The following PHF14 variants were observed in gnomAD, a reference collection of about 807,000 sequenced individuals.
PHF14 encodes PHD finger protein 14.
A neutral mutation model predicts 117.9 loss-of-function variants in PHF14; 55 were observed. The observed-to-expected ratio is 0.47, with a 90% CI of 0.38 to 0.58. The LOEUF (loss-of-function observed/expected upper bound fraction) is 0.58, where lower values mean the gene tolerates loss of function less well. PHF14 is among the 20% of genes least tolerant of loss of function. PHF14 has a pLI of 0.00. For missense variants in PHF14, 978 were observed against 1,122.2 expected (o/e 0.87, Z 1.84); for synonymous variants, 409 against 368.6 (o/e 1.11, Z -1.26).
intron 5 of PHF14, among the ~76,000 whole-genome samples, chr7:11,019,681 A>G (rs1463934232): frequency 6.6e-6 from 1 of 152,096 alleles, no homozygotes; most frequent in East Asian, 1.9e-4. Flanking sequence ...CCTTTTCAAA[A>G]TACTAACATT....
intron 16 of PHF14, among the ~76,000 whole-genome samples, chr7:11,090,206 A>G (rs1466049106): frequency 6.6e-6 from 1 of 152,244 alleles, no homozygotes; most frequent in Non-Finnish European, 1.5e-5. Flanking sequence ...AAAGTACATG[A>G]AAGTAATTCT....
intron 2 of PHF14, among the ~76,000 whole-genome samples, chr7:10,981,734 A>G (rs1458494345): frequency 6.6e-6 from 1 of 152,158 alleles, no homozygotes; most frequent in African/African-American, 2.4e-5. Flanking sequence ...AGGAAGATTG[A>G]TAATTTCTCT....
intron 17 of PHF14, among the ~76,000 whole-genome samples, chr7:11,127,203 G>A (rs1787951461): frequency 6.7e-6 from 1 of 149,962 alleles, no homozygotes; most frequent in Non-Finnish European, 1.5e-5. Flanking sequence ...GAAACCTGTA[G>A]TTTGGAAGTG....
At chr7:11,135,785 T>A (rs1788203419) in intron 17 of PHF14, among the ~76,000 whole-genome samples, 1 of 152,084 alleles carries the variant, frequency 6.6e-6, no homozygotes, top group African/African-American at 2.4e-5. Context: ...CCACACAGAA[T>A]TGATTGGGGT....
At position 10,990,850 on chromosome 7, in the gene PHF14, A is replaced by C; in HGVS notation, c.1045+3A>C. The C allele has an allele frequency of 6.4e-7, 1 of 1,571,922 alleles. No homozygotes were observed. The highest frequency in any genetic ancestry group is 8.6e-7 in the Non-Finnish European group (1 of 1,156,890). Reference sequence around the variant, plus strand: ...TTGTGGCATTACAGTCCATGAAGGTAATGTTGCTTTCTTTTCTCTCTTTTT... The same window carrying C: ...TTGTGGCATTACAGTCCATGAAGGTCATGTTGCTTTCTTTTCTCTCTTTTT... On this transcript the variant is annotated splice_donor_region_variant and intron_variant, in intron 4 of 17. Coordinates refer to ENST00000634607, the MANE Select transcript of PHF14 (RefSeq NM_001007157.2).
At chr7:11,009,239 C>G (rs1197396493) in intron 4 of PHF14, among the ~76,000 whole-genome samples, 1 of 152,042 alleles carries the variant, frequency 6.6e-6, no homozygotes, top group Non-Finnish European at 1.5e-5. Flanking sequence ...TTGGTTTGTT[C>G]AAAGTTACAC....
intron 1 of PHF14, 94 bp downstream of exon 1, chr7:10,974,418 G>C: frequency 1.9e-6 from 2 of 1,071,714 alleles, no homozygotes; most frequent in Non-Finnish European, 2.8e-6. Context: ...GGAGAGTCCT[G>C]CGGGAAAGCA....
intron 17 of PHF14, among the ~76,000 whole-genome samples, chr7:11,152,901 A>T (rs1390465512): frequency 6.6e-6 from 1 of 152,222 alleles, no homozygotes; most frequent in African/African-American, 2.4e-5. Flanking sequence ...TTCAGGAATC[A>T]GAGGGAAGAG....
intron 5 of PHF14, among the ~76,000 whole-genome samples, chr7:11,022,393 C>G (rs1245635195): frequency 1.3e-5 from 2 of 152,084 alleles, no homozygotes; most frequent in Admixed American, 6.5e-5. Context: ...ACCCCAGCAG[C>G]TTTTGGAAAA....
In PHF14 at chr7:11,076,012, G is replaced by A. The variant is rs561012025; in HGVS notation, c.2654+13927G>A. On this transcript the variant is annotated intron_variant, in intron 16 of 17. Transcript: ENST00000634607. ...AAATTAGCCGGGCATGGTGGCGGGCGCCTGTAGTTCCAGCTACTCGGGAGG... is the reference window on the plus strand; with the variant it reads ...AAATTAGCCGGGCATGGTGGCGGGCACCTGTAGTTCCAGCTACTCGGGAGG... Among the ~76,000 whole-genome samples, 7 of 152,248 alleles carry A rather than the reference G, an allele frequency of 4.6e-5. No homozygotes were observed. The South Asian group carries it at 1.0e-3, about 23-fold the overall frequency.
intron 10 of PHF14, among the ~76,000 whole-genome samples, chr7:11,037,737 T>C (rs371741311): frequency 1.3e-5 from 2 of 152,184 alleles, no homozygotes; most frequent in Non-Finnish European, 2.9e-5. Flanking sequence ...TATTGACTTA[T>C]TGTTAGAAAA....
rs193036858 is a variant in PHF14, at chr7:11,107,186, T to G, written c.2655-4164T>G. 318 of 984,712 alleles carry G rather than the reference T, an allele frequency of 3.2e-4. 1 individual carries two copies. The highest frequency in any genetic ancestry group is 2.6e-3 in the South Asian group (56 of 21,282). The allele number at this position is 984,712 out of a possible 1,614,324, so 61.0% of individuals were successfully genotyped here. A position where few individuals can be genotyped will look rare whatever the true frequency, so the allele number is the denominator to read the frequency against. Reference sequence around the variant, plus strand: ...CATTCGATGAAATAAATCAGCTGCTTCTTTTTACTTGTTTGCATATTCTCA... The same window carrying G: ...CATTCGATGAAATAAATCAGCTGCTGCTTTTTACTTGTTTGCATATTCTCA... On this transcript the variant is annotated intron_variant, in intron 16 of 17. Transcript: ENST00000634607.
rs73283115 is a variant in PHF14 at position 11,078,488 on chromosome 7, C to G, written c.2654+16403C>G. Among the ~76,000 whole-genome samples, 523 of 152,228 alleles carry G rather than the reference C, an allele frequency of 3.4e-3. 6 individuals carry two copies. The highest frequency in any genetic ancestry group is 0.012 in the African/African-American group (497 of 41,532). ...AATAACCTCTCTGCGAGCCAGTTTT[C>G]TCATTCATAGAATGAGCAATGCATT... On this transcript the variant is annotated intron_variant, in intron 16 of 17. Transcript: ENST00000634607.
At chr7:11,084,839 T>G (rs1786320590) in intron 16 of PHF14, among the ~76,000 whole-genome samples, 1 of 152,184 alleles carries the variant, frequency 6.6e-6, no homozygotes. Context: ...GTTTATTCAC[T>G]CATATATTGA....
At chr7:11,119,038 C>T (rs1787676640) in intron 17 of PHF14, among the ~76,000 whole-genome samples, 2 of 151,818 alleles carry the variant, frequency 1.3e-5, no homozygotes, top group Admixed American at 6.6e-5. Context: ...ACGCTTACTA[C>T]AAACTTGAAA....
chr7:10,992,823 G>C lies in PHF14; in HGVS notation c.1045+1976G>C, dbSNP rs544268680. Among the ~76,000 whole-genome samples the C allele has an allele frequency of 8.0e-4, 122 of 152,218 alleles. 1 individual carries two copies. Among genetic ancestry groups the C allele is most frequent in the Non-Finnish European group, 1.4e-3 (98 of 68,020 alleles). On this transcript the variant is annotated intron_variant, in intron 4 of 17. Transcript: ENST00000634607. ...CAATGTCATTTCTAACAAAATCAAAGCCAGGATCATGTATTGCATTTAATC... is the reference window on the plus strand; with the variant it reads ...CAATGTCATTTCTAACAAAATCAAACCCAGGATCATGTATTGCATTTAATC...
chr7:11,013,540 TA>T (rs1223711951), intron 4 of PHF14, among the ~76,000 whole-genome samples: 1 of 152,230 alleles, frequency 6.6e-6, no homozygotes, highest in Non-Finnish European at 1.5e-5. Flanking sequence ...AAACTATTTT[TA>T]AAATGTCATT....
At chr7:11,026,611 A>G (rs1334961870) in intron 6 of PHF14, among the ~76,000 whole-genome samples, 1 of 152,094 alleles carries the variant, frequency 6.6e-6, no homozygotes, top group African/African-American at 2.4e-5. Context: ...AAGTAAGGAA[A>G]TTACTTAATT....
chr7:11,143,248 C>T (rs140902383), intron 17 of PHF14, among the ~76,000 whole-genome samples: 1 of 152,110 alleles, frequency 6.6e-6, no homozygotes, highest in East Asian at 1.9e-4. Context: ...ATATAAACTT[C>T]ATTTAGCATA....
Sources: allele counts gnomAD v4.1 joint callset (sites outside exome capture counted in the v4.1 genomes callset), GRCh38; gene constraint gnomAD v4.1.1; transcripts MANE v1.5; gene names NCBI Gene and HGNC (gene_info 2026-07-23, HGNC 2026-07-21).